The following TMEM74 variants were observed in gnomAD, a reference collection of about 807,000 sequenced individuals.
TMEM74 encodes transmembrane protein 74.
A neutral mutation model predicts 18.1 loss-of-function variants in TMEM74; 13 were observed. That is an observed-to-expected ratio of 0.72 (90% CI 0.47 to 1.14). The LOEUF is 1.14. TMEM74 is among the 50% of genes most tolerant of loss of function. TMEM74 has a pLI of 0.00. For synonymous variants in TMEM74, 159 were observed against 146.6 expected (o/e 1.08, Z -0.61); for missense variants, 372 against 375.9 (o/e 0.99, Z 0.09).
At chr8:108,674,978 C>T (rs60747885) in intron 1 of TMEM74, among the ~76,000 whole-genome samples, 2,742 of 152,300 alleles carry the variant, frequency 0.018, 96 homozygotes, top group African/African-American at 0.063. Context: ...CCCCAACCCT[C>T]AGTTGTGAAA....
intron 1 of TMEM74, among the ~76,000 whole-genome samples, chr8:108,718,741 AAAC>A (rs1481945207): frequency 1.3e-5 from 2 of 152,168 alleles, no homozygotes; most frequent in Non-Finnish European, 2.9e-5. Flanking sequence ...TGAACCTTTA[AAAC>A]AACATTGAGG....
At chr8:108,775,988 T>C (rs946224002), downstream of TMEM74, among the ~76,000 whole-genome samples, 1 of 152,216 alleles carries the variant, frequency 6.6e-6, no homozygotes, top group African/African-American at 2.4e-5. Context: ...CTTTTGCTAA[T>C]TTGGCAGAAT....
chr8:108,642,497 C>T (rs1812676010), intron 2 of TMEM74, among the ~76,000 whole-genome samples: 1 of 151,774 alleles, frequency 6.6e-6, no homozygotes, highest in Admixed American at 6.6e-5. Context: ...AGCTGGTAAA[C>T]TGCAATTGTC....
intron 1 of TMEM74, among the ~76,000 whole-genome samples, chr8:108,750,343 C>T (rs970861339): frequency 1.3e-5 from 2 of 152,150 alleles, no homozygotes; most frequent in African/African-American, 4.8e-5. Flanking sequence ...TAACTCACTT[C>T]AATTGAGCAA....
chr8:108,753,950 A>C (rs1813930194), intron 1 of TMEM74, among the ~76,000 whole-genome samples: 2 of 152,092 alleles, frequency 1.3e-5, no homozygotes, highest in Admixed American at 1.3e-4. Flanking sequence ...AGAATGCATA[A>C]AAATTACCTG....
chr8:108,649,618 C>T (rs2935759), intron 2 of TMEM74, among the ~76,000 whole-genome samples: 27,390 of 152,006 alleles, frequency 0.18, 2,560 homozygotes, highest in East Asian at 0.3. Flanking sequence ...AGGCAAAAAC[C>T]GCAATTACTT....
chr8:108,618,291 T>C (rs894555559), intron 2 of TMEM74, among the ~76,000 whole-genome samples: 14 of 152,172 alleles, frequency 9.2e-5, no homozygotes, highest in Admixed American at 1.3e-4. Flanking sequence ...AAGGGTTTTG[T>C]TGGTGGGGAT....
chr8:108,697,901 C>G (rs1813296429), intron 1 of TMEM74, among the ~76,000 whole-genome samples: 1 of 152,158 alleles, frequency 6.6e-6, no homozygotes, highest in South Asian at 2.1e-4. Context: ...TATACTATAT[C>G]AACTGAGTTG....
chr8:108,739,326 T>A (rs1271768020), intron 1 of TMEM74, among the ~76,000 whole-genome samples: 2 of 152,172 alleles, frequency 1.3e-5, no homozygotes, highest in South Asian at 4.1e-4. Flanking sequence ...TACAGTCTCA[T>A]GGTGCATTCT....
intron 2 of TMEM74, among the ~76,000 whole-genome samples, chr8:108,641,118 CTACTT>C (rs1200460456): frequency 6.6e-6 from 1 of 152,062 alleles, no homozygotes; most frequent in Admixed American, 6.6e-5. Context: ...TCTTAATTCT[CTACTT>C]TAAGAATGAT....
At chr8:108,697,059 T>G (rs1414690270) in intron 1 of TMEM74, among the ~76,000 whole-genome samples, 1 of 152,166 alleles carries the variant, frequency 6.6e-6, no homozygotes, top group Non-Finnish European at 1.5e-5. Context: ...CTTTTCATCT[T>G]TGATCTTTAA....
At chr8:108,745,192 A>G (rs1813837438) in intron 1 of TMEM74, among the ~76,000 whole-genome samples, 1 of 152,030 alleles carries the variant, frequency 6.6e-6, no homozygotes, top group African/African-American at 2.4e-5. Context: ...TAATTTCCCC[A>G]TAGGTTCCTG....
chr8:108,635,395 T>A (rs1243288165), intron 2 of TMEM74, among the ~76,000 whole-genome samples: 1 of 152,024 alleles, frequency 6.6e-6, no homozygotes, highest in African/African-American at 2.4e-5. Context: ...TACCATAGAG[T>A]TATGTGCTTC....
In TMEM74 at chr8:108,619,373, C is replaced by G. The variant is rs77629658; in HGVS notation, n.265-10547G>C. ...TGTCCTGCAGACGGTTCTGAATCTT[C>G]TGTGAATTCCACATGCAAATGCAGG... On this transcript the variant is annotated intron_variant and non_coding_transcript_variant, in intron 2 of 3. Transcript: ENST00000518838. Among the ~76,000 whole-genome samples, 847 of 152,312 alleles carry G rather than the reference C, an allele frequency of 5.6e-3. 4 individuals are homozygous for G. The highest frequency in any genetic ancestry group is 0.019 in the African/African-American group (807 of 41,574).
intron 2 of TMEM74, among the ~76,000 whole-genome samples, chr8:108,634,380 A>G (rs1047944969): frequency 1.3e-5 from 2 of 151,936 alleles, no homozygotes; most frequent in African/African-American, 4.8e-5. Context: ...TATATGTTCA[A>G]CCAAATGCTA....
chr8:108,640,252 C>T (rs942785068), intron 2 of TMEM74, among the ~76,000 whole-genome samples: 1 of 151,130 alleles, frequency 6.6e-6, no homozygotes, highest in South Asian at 2.1e-4. Flanking sequence ...CCTGCCTCAG[C>T]CTCCTGAGTA....
intron 2 of TMEM74, chr8:108,626,871 A>T (rs1208783949): frequency 6.6e-6 from 1 of 151,968 alleles, no homozygotes; most frequent in East Asian, 1.9e-4. Flanking sequence ...TTCCCAAATC[A>T]TTCTAAAGCC....
At chr8:108,760,029 C>A (rs1390976367) in intron 1 of TMEM74, among the ~76,000 whole-genome samples, 4 of 151,830 alleles carry the variant, frequency 2.6e-5, no homozygotes, top group Non-Finnish European at 5.9e-5. Flanking sequence ...AAAAATTAGC[C>A]AGGTGTGGTG....
chr8:108,770,083 T>C lies in TMEM74; in HGVS notation n.119+17393A>G, dbSNP rs527433628. ...CATTACTTACTTAGTCCTTGTTTCA[T>C]TGGACTTTCTCCATAGATCAATAGA... On this transcript the variant is annotated intron_variant and non_coding_transcript_variant, in intron 1 of 3. Transcript: ENST00000518838. Among the ~76,000 whole-genome samples, 15 of 152,290 alleles carry C rather than the reference T, an allele frequency of 9.8e-5. No homozygotes were observed. The East Asian group carries it at 1.7e-3, about 18-fold the overall frequency.
Sources: gnomAD v4.1 joint callset for allele counts (sites outside exome capture counted in the v4.1 genomes callset) on GRCh38, gnomAD v4.1.1 for gene constraint, MANE v1.5 for transcripts, NCBI Gene and HGNC (gene_info 2026-07-23, HGNC 2026-07-21) for gene names.